Variants in SGCZ observed in about 807,000 individuals in gnomAD.
SGCZ encodes sarcoglycan zeta.
In SGCZ, 40 loss-of-function variants were observed where a neutral mutation model predicts 41.3. That is an observed-to-expected ratio of 0.97 (90% confidence interval 0.75 to 1.26). The LOEUF (loss-of-function observed/expected upper bound fraction) is 1.26, where lower values mean the gene tolerates loss of function less well. Ranked by LOEUF, SGCZ falls within the 50% of genes most tolerant of loss-of-function variation. SGCZ has a pLI of 0.00. For missense variants in SGCZ, 552 were observed against 369.8 expected (o/e 1.49, Z -4.04); for synonymous variants, 206 against 137.5 (o/e 1.50, Z -3.49).
In SGCZ at chr8:15,237,904, A is replaced by C; in HGVS notation, c.-281T>G. On this transcript the variant is annotated 5_prime_UTR_variant, in exon 1 of 8. Transcript: ENST00000382080. ...TGAGTCGATTGAAACAGGGGCCAAAAGAAAAAAGGAAAAAAAAATCCACTC... is the reference window on the plus strand; with the variant it reads ...TGAGTCGATTGAAACAGGGGCCAAACGAAAAAAGGAAAAAAAAATCCACTC... 2.8e-6 allele frequency: 1 copy of C among 358,272 alleles called. No homozygotes were observed. Among genetic ancestry groups the C allele is most frequent in the Non-Finnish European group, 5.0e-6 (1 of 198,054 alleles). 22.2% of individuals were successfully genotyped at this position (358,272 alleles called of 1,614,324 possible).
At chr8:14,497,084 T>C (rs1802009731) in intron 2 of SGCZ, among the ~76,000 whole-genome samples, 4 of 152,204 alleles carry the variant, frequency 2.6e-5, no homozygotes, top group Admixed American at 2.6e-4. Context: ...ATAGCCTCCT[T>C]ATGAAGACAT....
intron 1 of SGCZ, among the ~76,000 whole-genome samples, chr8:15,000,101 C>A (rs564182299): frequency 2.3e-4 from 35 of 152,058 alleles, no homozygotes; most frequent in Non-Finnish European, 4.0e-4. Context: ...AAATAGGACA[C>A]CCAAAGAGGC....
intron 1 of SGCZ, among the ~76,000 whole-genome samples, chr8:14,984,232 G>T (rs1024688250): frequency 1.3e-5 from 2 of 152,080 alleles, no homozygotes; most frequent in African/African-American, 2.4e-5. Context: ...GTAAATTCCA[G>T]ACAGCAAAAC....
chr8:14,620,598 A>AG (rs1429944830), intron 1 of SGCZ, among the ~76,000 whole-genome samples: 1 of 151,648 alleles, frequency 6.6e-6, no homozygotes, highest in East Asian at 1.9e-4. Flanking sequence ...TATGAGAAAA[A>AG]ACAAACAACC....
intron 1 of SGCZ, among the ~76,000 whole-genome samples, chr8:14,720,864 T>A (rs1312756824): frequency 2.6e-5 from 4 of 152,026 alleles, no homozygotes; most frequent in Non-Finnish European, 5.9e-5. Flanking sequence ...TCTACTGTTT[T>A]GTAAATCCAT....
At chr8:14,370,079 C>G (rs892034894) in intron 2 of SGCZ, among the ~76,000 whole-genome samples, 1 of 151,818 alleles carries the variant, frequency 6.6e-6, no homozygotes, top group African/African-American at 2.4e-5. Flanking sequence ...TATGCTGGAG[C>G]TCTGTGGATG....
At chr8:14,979,097 C>A (rs1173699574) in intron 1 of SGCZ, among the ~76,000 whole-genome samples, 1 of 152,054 alleles carries the variant, frequency 6.6e-6, no homozygotes, top group Admixed American at 6.6e-5. Context: ...CCACACTCAG[C>A]CAAGTTTACT....
In SGCZ at chr8:14,293,572, T is replaced by C. The variant is rs577468578; in HGVS notation, c.336+30531A>G. ...TGTCAATAATTTCTAGGTAGTGTAA[T>C]GGGTGGCTCAGTTTCTAAATAAAAA... On this transcript the variant is annotated intron_variant, in intron 3 of 7. Coordinates refer to ENST00000382080, the MANE Select transcript of SGCZ (RefSeq NM_139167.4). Among the ~76,000 whole-genome samples, 390 of 152,078 alleles carry C rather than the reference T, an allele frequency of 2.6e-3. 5 individuals are homozygous for C. The highest frequency in any genetic ancestry group is 8.0e-3 in the African/African-American group (332 of 41,548).
intron 1 of SGCZ, among the ~76,000 whole-genome samples, chr8:15,039,943 T>C (rs562605770): frequency 6.6e-6 from 1 of 152,216 alleles, no homozygotes; most frequent in Non-Finnish European, 1.5e-5. Flanking sequence ...TGACTTAAAG[T>C]AGCAGGGAAT....
chr8:15,199,477 G>T (rs1316737797), intron 1 of SGCZ, among the ~76,000 whole-genome samples: 6 of 152,158 alleles, frequency 3.9e-5, no homozygotes, highest in African/African-American at 1.4e-4. Flanking sequence ...AATGATCCAT[G>T]TGTTCTCAAA....
chr8:14,523,482 T>A (rs546747585), intron 2 of SGCZ, among the ~76,000 whole-genome samples: 1 of 152,208 alleles, frequency 6.6e-6, no homozygotes, highest in South Asian at 2.1e-4. Flanking sequence ...AATGTAAAAA[T>A]ACTATACCAC....
chr8:15,200,277 C>G (rs147820595), intron 1 of SGCZ, among the ~76,000 whole-genome samples: 4 of 152,318 alleles, frequency 2.6e-5, no homozygotes, highest in African/African-American at 9.6e-5. Flanking sequence ...TAAATTGGCT[C>G]TTGATACTTG....
At chr8:14,818,214 C>T (rs1037388174) in intron 1 of SGCZ, among the ~76,000 whole-genome samples, 1 of 152,110 alleles carries the variant, frequency 6.6e-6, no homozygotes, top group African/African-American at 2.4e-5. Context: ...ACAGCCACTG[C>T]CTCCCCAGAG....
intron 1 of SGCZ, among the ~76,000 whole-genome samples, chr8:14,913,961 A>C (rs1400041831): frequency 6.6e-6 from 1 of 151,952 alleles, no homozygotes; most frequent in Non-Finnish European, 1.5e-5. Context: ...AGAGAAAAAG[A>C]ATCAAGTTTG....
At chr8:14,516,818 C>G (rs7821766) in intron 2 of SGCZ, among the ~76,000 whole-genome samples, 6,329 of 152,052 alleles carry the variant, frequency 0.042, 165 homozygotes, top group Middle Eastern at 0.085. Context: ...AAATTTTGTT[C>G]ACTGTTAACA....
intron 1 of SGCZ, among the ~76,000 whole-genome samples, chr8:14,919,469 G>A (rs1307925249): frequency 6.6e-6 from 1 of 152,044 alleles, no homozygotes; most frequent in East Asian, 1.9e-4. Context: ...AAATATTTCA[G>A]ATGCCAGTGT....
chr8:14,394,840 T>G (rs372876981), intron 2 of SGCZ, among the ~76,000 whole-genome samples: 2 of 152,252 alleles, frequency 1.3e-5, no homozygotes, highest in South Asian at 4.1e-4. Flanking sequence ...TGTTGGAAAA[T>G]GTTGGAACCA....
chr8:14,964,308 A>T (rs1259543904), intron 1 of SGCZ, among the ~76,000 whole-genome samples: 9 of 152,190 alleles, frequency 5.9e-5, no homozygotes, highest in Non-Finnish European at 1.5e-5. Flanking sequence ...TGTAAACAAG[A>T]TAGAGCCTCC....
chr8:14,609,662 G>A (rs1210490560), intron 1 of SGCZ, among the ~76,000 whole-genome samples: 3 of 152,166 alleles, frequency 2.0e-5, no homozygotes, highest in Non-Finnish European at 2.9e-5. Context: ...GGGACCAAGG[G>A]AGAGGGAAGG....
Sources: allele counts gnomAD v4.1 joint callset (sites outside exome capture counted in the v4.1 genomes callset), GRCh38; gene constraint gnomAD v4.1.1; transcripts MANE v1.5; gene names NCBI Gene and HGNC (gene_info 2026-07-23, HGNC 2026-07-21).